RILPL1: variants seen among roughly 807,000 people sequenced by gnomAD.
The protein encoded by RILPL1 is Rab interacting lysosomal protein like 1.
A neutral mutation model predicts 50.3 loss-of-function variants in RILPL1; 33 were observed. That is an observed-to-expected ratio of 0.66 (90% confidence interval 0.50 to 0.88). The LOEUF (loss-of-function observed/expected upper bound fraction) is 0.88, where lower values mean the gene tolerates loss of function less well. RILPL1 is among the 40% of genes least tolerant of loss of function. The pLI, the probability that RILPL1 is intolerant of heterozygous loss-of-function variation, is 0.00. For synonymous variants in RILPL1, 205 were observed against 228.6 expected (o/e 0.90, Z 0.93); for missense variants, 418 against 542.5 (o/e 0.77, Z 2.28).
intron 2 of RILPL1, chr12:123,515,448 T>C (rs1490603604): frequency 6.6e-6 from 1 of 151,494 alleles, no homozygotes; most frequent in African/African-American, 2.4e-5. Context: ...ACAGTGTTTT[T>C]TTTTTGTCTG....
intron 2 of RILPL1, among the ~76,000 whole-genome samples, chr12:123,520,694 G>A (rs890976497): frequency 2.0e-4 from 31 of 152,154 alleles, no homozygotes; most frequent in African/African-American, 5.6e-4. Flanking sequence ...CCAAGTCACC[G>A]CGGCAGGGAG....
At chr12:123,480,306 G>A (rs1881879898) in intron 6 of RILPL1, among the ~76,000 whole-genome samples, 1 of 151,564 alleles carries the variant, frequency 6.6e-6, no homozygotes, top group Non-Finnish European at 1.5e-5. Context: ...GATTACAGGT[G>A]CCCACCACCA....
chr12:123,482,944 C>A (rs949816368), intron 6 of RILPL1, among the ~76,000 whole-genome samples: 22 of 152,092 alleles, frequency 1.4e-4, no homozygotes, highest in African/African-American at 5.1e-4. Context: ...CCAGCAGTGA[C>A]AAACCTGCAC....
At chr12:123,513,088 G>C (rs546245058) in intron 2 of RILPL1, among the ~76,000 whole-genome samples, 159 of 147,698 alleles carry the variant, frequency 1.1e-3, no homozygotes, top group African/African-American at 3.9e-3. Flanking sequence ...TGCAGTGTGA[G>C]TGCGTGTATG....
chr12:123,524,691 G>A (rs1885187791), intron 1 of RILPL1, among the ~76,000 whole-genome samples: 1 of 152,190 alleles, frequency 6.6e-6, no homozygotes, highest in African/African-American at 2.4e-5. Context: ...CATGTTATAT[G>A]ATCAGTTTTA....
intron 2 of RILPL1, among the ~76,000 whole-genome samples, chr12:123,506,444 G>A (rs1196136762): frequency 1.3e-5 from 2 of 152,194 alleles, no homozygotes; most frequent in Admixed American, 6.5e-5. Flanking sequence ...AGGAGGGTCA[G>A]GCAGAGGAGA....
intron 4 of RILPL1, among the ~76,000 whole-genome samples, chr12:123,488,800 G>A (rs560200475): frequency 4.9e-4 from 74 of 152,326 alleles, no homozygotes; most frequent in East Asian, 1.3e-3. Context: ...GGCCGCCCTC[G>A]CAAGCTGTCT....
At position 123,513,538 on chromosome 12, in the gene RILPL1, C is replaced by T. The variant is rs1022393479; in HGVS notation, c.460+9957G>A. On this transcript the variant is annotated intron_variant, in intron 2 of 6. Coordinates refer to ENST00000376874, the MANE Select transcript of RILPL1 (RefSeq NM_178314.5). ...TGGCGCCTGACTCCTATCCCAGCTT[C>T]GGCCTCTTAGTTGCTTTCCCTTCAG... is the stretch of plus-strand genomic sequence containing the variant. 4.4e-5 allele frequency: 9 copies of T among 206,516 alleles called. No individual in the cohort carries two copies. In the East Asian group the frequency reaches 1.0e-3, roughly 24 times the overall value. The allele number at this position is 206,516 out of a possible 1,614,324, so 12.8% of individuals were successfully genotyped here.
intron 2 of RILPL1, among the ~76,000 whole-genome samples, chr12:123,503,186 CTTTTTTTTTTTTTT>C (rs373514624): frequency 0.016 from 1,318 of 80,666 alleles, 24 homozygotes; most frequent in African/African-American, 0.064. Context: ...CACGCCTGGC[CTTTTTTTTTTTTTT>C]TTTTTTTTTT....
At chr12:123,515,801 TA>T (rs1884655449) in intron 2 of RILPL1, among the ~76,000 whole-genome samples, 1 of 149,246 alleles carries the variant, frequency 6.7e-6, no homozygotes, top group East Asian at 2.1e-4. Context: ...TTGGGAGGGT[TA>T]GGGGGGCAGA....
At chr12:123,523,959 G>A (rs867272396) in intron 1 of RILPL1, among the ~76,000 whole-genome samples, 4 of 152,228 alleles carry the variant, frequency 2.6e-5, no homozygotes, top group East Asian at 1.9e-4. Flanking sequence ...CCCAGGATAC[G>A]GGGGTCCGAA....
chr12:123,482,164 G>A (rs1346488549), intron 6 of RILPL1, among the ~76,000 whole-genome samples: 1 of 152,060 alleles, frequency 6.6e-6, no homozygotes, highest in Non-Finnish European at 1.5e-5. Flanking sequence ...GAGCTACTGC[G>A]CCTGGCCTCC....
chr12:123,514,844 G>A (rs985443102), intron 2 of RILPL1, among the ~76,000 whole-genome samples: 2 of 152,006 alleles, frequency 1.3e-5, no homozygotes, highest in African/African-American at 2.4e-5. Context: ...ACATGCTACT[G>A]AACTGTGCAC....
intron 4 of RILPL1, among the ~76,000 whole-genome samples, chr12:123,486,432 A>G (rs1882339069): frequency 6.6e-6 from 1 of 152,118 alleles, no homozygotes; most frequent in Admixed American, 6.6e-5. Flanking sequence ...GCCCCAGGTC[A>G]CACCCACACC....
In RILPL1 at chr12:123,498,835, G is replaced by A; in HGVS notation, c.580-70C>T. 3 of 1,416,916 alleles carry A rather than the reference G, an allele frequency of 2.1e-6. No individual in the cohort carries two copies. The highest frequency in any genetic ancestry group is 3.0e-6 in the Non-Finnish European group (3 of 1,012,542). 87.8% of individuals were successfully genotyped at this position (1,416,916 alleles called of 1,614,324 possible). ...AGCTCAGGTTGTACACTGCACAACG[G>A]CAAACCATCCATAGGTGTGCCATTT... is the stretch of plus-strand genomic sequence containing the variant. On this transcript the variant is annotated intron_variant, in intron 3 of 6. Coordinates refer to ENST00000376874, the MANE Select transcript of RILPL1 (RefSeq NM_178314.5). The surrounding 1 kb of genome is among the most constrained non-coding windows in gnomAD (Gnocchi z 4.3).
intron 1 of RILPL1, among the ~76,000 whole-genome samples, chr12:123,529,838 C>T (rs1163624477): frequency 6.7e-6 from 1 of 149,302 alleles, no homozygotes; most frequent in Non-Finnish European, 1.5e-5. Flanking sequence ...GCCATCATTG[C>T]TCTCTGGCCT....
In RILPL1 at chr12:123,515,921, C is replaced by G. The variant is rs185774367; in HGVS notation, c.460+7574G>C. On this transcript the variant is annotated intron_variant, in intron 2 of 6. Transcript: ENST00000376874. ...TGGTGGCACAGGCCTGTAATCCCAG[C>G]TACTTGGGAGGCTGAGGCAGGAGAA... Among the ~76,000 whole-genome samples, 668 of 151,062 alleles carry G rather than the reference C, an allele frequency of 4.4e-3. 4 individuals carry two copies. The highest frequency in any genetic ancestry group is 0.016 in the African/African-American group (646 of 41,106).
intron 2 of RILPL1, among the ~76,000 whole-genome samples, chr12:123,504,139 G>A (rs142555396): frequency 6.6e-6 from 1 of 152,266 alleles, no homozygotes; most frequent in African/African-American, 2.4e-5. Context: ...GTAGGTGCTG[G>A]GGCTGCCAGT....
In RILPL1 at chr12:123,533,522, G is replaced by T; in HGVS notation, c.-40C>A. On this transcript the variant is annotated 5_prime_UTR_variant, in exon 1 of 7. Coordinates refer to ENST00000376874, the MANE Select transcript of RILPL1 (RefSeq NM_178314.5). The surrounding 1 kb of genome is among the most constrained non-coding windows in gnomAD (Gnocchi z 6.2). Reference sequence around the variant, plus strand: ...CCTGTCCCCCGCCCCGCAAACTCGTGCAACTCCCAAACTTGCCGCTGTCGA... The same window carrying T: ...CCTGTCCCCCGCCCCGCAAACTCGTTCAACTCCCAAACTTGCCGCTGTCGA... The T allele has an allele frequency of 2.1e-6, 3 of 1,449,652 alleles. No individual in the cohort carries two copies. The East Asian group carries it at 8.1e-5, about 39-fold the overall frequency. The allele number at this position is 1,449,652 out of a possible 1,614,324, so 89.8% of individuals were successfully genotyped here.
Sources: allele counts gnomAD v4.1 joint callset (sites outside exome capture counted in the v4.1 genomes callset), GRCh38; gene constraint gnomAD v4.1.1; non-coding constraint Gnocchi (gnomAD v3.1); transcripts MANE v1.5; gene names NCBI Gene and HGNC (gene_info 2026-07-23, HGNC 2026-07-21).